The following TNK2 variants were observed in gnomAD, a reference collection of about 807,000 sequenced individuals.
TNK2 encodes the protein tyrosine kinase non receptor 2, also known as activated CDC42 kinase 1.
TNK2 carries 83 observed loss-of-function variants against 101.8 expected under a neutral mutation model. The ratio of observed to expected loss-of-function variants is 0.82; its 90% CI spans 0.68 to 0.98. The LOEUF (loss-of-function observed/expected upper bound fraction) is 0.98, where lower values mean the gene tolerates loss of function less well. Among genes scored for constraint, TNK2 ranks in the 50% least tolerant of loss-of-function variants. The pLI is 0.00. For synonymous variants in TNK2, 804 were observed against 633.0 expected, an observed-to-expected ratio of 1.27 and a Z score of -4.06; for missense variants, 1,665 against 1,483.2, an observed-to-expected ratio of 1.12 and a Z score of -2.01.
intron 9 of TNK2, among the ~76,000 whole-genome samples, chr3:195,877,086 A>T (rs1391054547): frequency 6.6e-6 from 1 of 151,748 alleles, no homozygotes; most frequent in East Asian, 1.9e-4. Flanking sequence ...CCCACCCTTA[A>T]TCTTCCTATT....
chr3:195,901,406 G>A (rs1761193952), intron 1 of TNK2, among the ~76,000 whole-genome samples: 1 of 152,168 alleles, frequency 6.6e-6, no homozygotes, highest in African/African-American at 2.4e-5. Context: ...ACAGTGTACA[G>A]GGGACAGAGA....
At chr3:195,891,663 C>G (rs34665404) in intron 1 of TNK2, among the ~76,000 whole-genome samples, 3,088 of 152,220 alleles carry the variant, frequency 0.02, 62 homozygotes, top group Non-Finnish European at 0.03. Context: ...GTGACCCCCC[C>G]CCTCCAGGGC....
chr3:195,869,850 G>A, intron 11 of TNK2: 1 of 561,884 alleles, frequency 1.8e-6, no homozygotes, highest in Non-Finnish European at 3.2e-6. Context: ...CAGGATCTGA[G>A]CTCGGCCGTG....
Position 195,867,907 on chromosome 3 carries a change from C to T in TNK2, c.2391G>A (p.Glu797=). 4 of 1,530,188 alleles carry T rather than the reference C, an allele frequency of 2.6e-6. No individual in the cohort carries two copies. The highest frequency in any genetic ancestry group is 3.5e-6 in the Non-Finnish European group (4 of 1,148,468). The allele number at this position is 1,530,188 out of a possible 1,614,324, so 94.8% of individuals were successfully genotyped here. A position where few individuals can be genotyped will look rare whatever the true frequency, so the allele number is the denominator to read the frequency against. Residue 797 remains glutamate, a synonymous_variant, in exon 13 of 16, where the codon GAG becomes GAA. Coordinates refer to ENST00000672887, the MANE Select transcript of TNK2 (RefSeq NM_001382273.1). ...PASPPRVPPR[E]PLSPQGSRTP... Reference sequence around the variant, plus strand: ...TCCTCGAGCCTTGAGGGGACAGGGGCTCCCGCGGAGGCACCCGGGGAGGGG... The same window carrying T: ...TCCTCGAGCCTTGAGGGGACAGGGGTTCCCGCGGAGGCACCCGGGGAGGGG...
intron 15 of TNK2, among the ~76,000 whole-genome samples, chr3:195,865,882 G>A (rs528088271): frequency 2.4e-4 from 36 of 152,026 alleles, no homozygotes; most frequent in African/African-American, 8.2e-4. Context: ...TCCCTTCCAC[G>A]GGGTGAGCAC....
In TNK2 at chr3:195,868,137, T is replaced by G; in HGVS notation, c.2161A>C (p.Ile721Leu). 6.2e-7 allele frequency: 1 copy of G among 1,611,552 alleles called. No individual in the cohort carries two copies. Among genetic ancestry groups the G allele is most frequent in the Non-Finnish European group, 8.5e-7 (1 of 1,179,470 alleles). The change falls in exon 13 of 16, where the codon ATC becomes CTC. Residue 721 changes from isoleucine (I) to leucine (L), a missense_variant. Physicochemically the swap from Ile to Leu is conservative, Grantham distance 5. Transcript: ENST00000672887. ...CACTCCTGCTGTAGCGCCTGGAAGA[T>G]CTCTGCGGTCTGTGCGGAGCTGGGC... ...KPPSSAQTAE[I>L]FQALQQECMR...
rs1281324820 is a variant in TNK2, at chr3:195,867,866, A to G, written c.2432T>C (p.Val811Ala). 3.3e-6 allele frequency: 5 copies of G among 1,530,722 alleles called. No individual in the cohort carries two copies. In the Admixed American group the frequency reaches 8.8e-5, roughly 27 times the overall value. 94.8% of individuals were successfully genotyped at this position (1,530,722 alleles called of 1,614,324 possible). A position where few individuals can be genotyped will look rare whatever the true frequency, so the allele number is the denominator to read the frequency against. ...TGGCAGCGGGGAGCTGCCAGGTGGT[A>G]CCAGGGGGCTGGGTGTCCTCGAGCC... is the stretch of plus-strand genomic sequence containing the variant. ...PQGSRTPSPL[V>A]PPGSSPLPPR... Residue 811 changes from valine (V) to alanine (A), a missense_variant, in exon 13 of 16, where the codon GTA (valine) becomes GCA (alanine). By Grantham distance (64) the Val-to-Ala change is moderately conservative. This residue lies in a region of TNK2 where 1,136 missense variants were observed against 894.9 expected (regional missense o/e 1.27). Coordinates refer to ENST00000672887, the MANE Select transcript of TNK2 (RefSeq NM_001382273.1).
At chr3:195,873,394 G>A (rs902445910) in intron 9 of TNK2, among the ~76,000 whole-genome samples, 6 of 152,232 alleles carry the variant, frequency 3.9e-5, no homozygotes, top group South Asian at 2.1e-4. Flanking sequence ...CTTGTCATAC[G>A]TGATGCCGTG....
At position 195,878,662 on chromosome 3, in the gene TNK2, C is replaced by T. The variant is rs1297628285; in HGVS notation, c.1015-70G>A. Reference sequence around the variant, plus strand: ...AGCCCTTCACTTCCCGCCTTCCCTCCAGCCCATCCACAGCTGCAGCGGCTG... The same window carrying T: ...AGCCCTTCACTTCCCGCCTTCCCTCTAGCCCATCCACAGCTGCAGCGGCTG... On this transcript the variant is annotated intron_variant, in intron 7 of 15. Coordinates refer to ENST00000672887, the MANE Select transcript of TNK2 (RefSeq NM_001382273.1). This position sits in a 1 kb window ranked among gnomAD's most constrained non-coding sequence, Gnocchi z 4.7. The T allele has an allele frequency of 2.4e-5, 37 of 1,562,202 alleles. No homozygotes were observed. The East Asian group carries it at 8.5e-4, about 36-fold the overall frequency.
chr3:195,900,245 C>CGA (rs1427356627), intron 1 of TNK2, among the ~76,000 whole-genome samples: 1 of 151,842 alleles, frequency 6.6e-6, no homozygotes, highest in African/African-American at 2.4e-5. Context: ...CCCAGCTCAC[C>CGA]GAGAGAGAGG....
intron 6 of TNK2, 128 bp downstream of exon 6, chr3:195,881,923 C>T (rs1389181948): frequency 5.1e-6 from 6 of 1,169,310 alleles, no homozygotes; most frequent in Non-Finnish European, 7.1e-6. Context: ...AAGGAGGGCA[C>T]CCCAGGCTTA....
intron 10 of TNK2, among the ~76,000 whole-genome samples, chr3:195,871,165 G>T (rs1392202580): frequency 2.0e-5 from 3 of 151,954 alleles, no homozygotes; most frequent in Non-Finnish European, 4.4e-5. Flanking sequence ...GCGGCCAGCA[G>T]AGAGGCTTGG....
Position 195,888,767 on chromosome 3 carries a change from C to T in TNK2, c.-18-161G>A, listed in dbSNP as rs527346691. 2.0e-5 allele frequency among the ~76,000 whole-genome samples: 3 copies of T among 152,160 alleles called. No homozygotes were observed. Among genetic ancestry groups the T allele is most frequent in the East Asian group, 1.9e-4 (1 of 5,158 alleles). ...AGCTACCGAGAACCGCCTGGACCCA[C>T]GTCCCCTATTCCTGCCAGCCACAGG... On this transcript the variant is annotated intron_variant, in intron 1 of 15. Transcript: ENST00000672887. The surrounding 1 kb of genome is among the most constrained non-coding windows in gnomAD (Gnocchi z 5.3).
Position 195,885,148 on chromosome 3 carries a change from G to A in TNK2, c.235-115C>T. On this transcript the variant is annotated intron_variant, in intron 3 of 15. Transcript: ENST00000672887. The surrounding 1 kb of genome is among the most constrained non-coding windows in gnomAD (Gnocchi z 4.7). ...CGGCTTCGGCTTCCAGATAGGTCCT[G>A]GTTTTGCCAAACTGTCAGTGGGGCA... 8.2e-7 allele frequency: 1 copy of A among 1,219,468 alleles called. No individual in the cohort carries two copies. Among genetic ancestry groups the A allele is most frequent in the Non-Finnish European group, 1.1e-6 (1 of 887,626 alleles). 75.5% of individuals were successfully genotyped at this position (1,219,468 alleles called of 1,614,324 possible). A position where few individuals can be genotyped will look rare whatever the true frequency, so the allele number is the denominator to read the frequency against.
intron 15 of TNK2, among the ~76,000 whole-genome samples, chr3:195,865,642 AATGACAGACAG>A (rs1740268849): frequency 1.4e-5 from 2 of 147,838 alleles, no homozygotes; most frequent in Admixed American, 6.8e-5. Context: ...CACCCGAGAC[AATGACAGACAG>A]GTGACACAGA....
In TNK2 at chr3:195,888,356, C is replaced by T; in HGVS notation, c.163+70G>A. ...AGAGTTCTCAGCTGCCACCCGTGCA[C>T]CGAGTGGTCCTGAGGACAGAGGACG... On this transcript the variant is annotated intron_variant, in intron 2 of 15. Coordinates refer to ENST00000672887, the MANE Select transcript of TNK2 (RefSeq NM_001382273.1). This position sits in a 1 kb window ranked among gnomAD's most constrained non-coding sequence, Gnocchi z 5.3. The T allele has an allele frequency of 4.6e-6, 7 of 1,528,342 alleles. No homozygotes were observed. In the East Asian group the frequency reaches 1.1e-4, roughly 25 times the overall value. The allele number at this position is 1,528,342 out of a possible 1,614,324, so 94.7% of individuals were successfully genotyped here.
rs577445580 is a variant in TNK2 at position 195,882,851 on chromosome 3, C to T, written c.609+306G>A. ...CCAGCCTGGGCGACAAAGTGAGACT[C>T]CATCTCAAAATAAATAGATAAATAA... On this transcript the variant is annotated intron_variant, in intron 5 of 15. Transcript: ENST00000672887. This position sits in a 1 kb window ranked among gnomAD's most constrained non-coding sequence, Gnocchi z 4.2. 1.3e-5 allele frequency among the ~76,000 whole-genome samples: 2 copies of T among 152,272 alleles called. No individual in the cohort carries two copies. The highest frequency in any genetic ancestry group is 4.1e-4 in the South Asian group (2 of 4,826).
Position 195,879,089 on chromosome 3 carries a change from G to A in TNK2, c.974C>T (p.Thr325Ile). The A allele has an allele frequency of 6.2e-7, 1 of 1,613,852 alleles. No individual in the cohort carries two copies. Among genetic ancestry groups the A allele is most frequent in the Non-Finnish European group, 8.5e-7 (1 of 1,179,994 alleles). Residue 325 changes from threonine to isoleucine, a missense_variant, in exon 7 of 16, where the codon ACC becomes ATC. Thr to Ile is a moderately conservative substitution (Grantham distance 89, BLOSUM62 -1). This residue lies in a region of TNK2 where 490 missense variants were observed against 522.5 expected (regional missense o/e 0.94). Coordinates refer to ENST00000672887, the MANE Select transcript of TNK2 (RefSeq NM_001382273.1). ...GCCGATCCAGGGCTCCTGGCCGTAG[G>A]TGAACATTTCCCACAGTGTCACCCC... The part of the protein sequence containing the change: ...MFGVTLWEMF[T>I]YGQEPWIGLN...
chr3:195,867,214 C>T lies in TNK2; in HGVS notation c.2988G>A (p.Leu996=). The part of the protein sequence containing the change: ...GVTTEECQAA[L]QCHGWSVQRA... The stretch of plus-strand genomic sequence containing the variant: ...TCTGCACGCTCCAGCCGTGGCACTG[C>T]AGGGCCGCCTGGCACTCCTCTGTGG... The change falls in exon 14 of 16, where the codon CTG becomes CTA. Residue 996 remains leucine (L), a synonymous_variant. Transcript: ENST00000672887. 6.2e-7 allele frequency: 1 copy of T among 1,613,066 alleles called. No homozygotes were observed. The highest frequency in any genetic ancestry group is 8.5e-7 in the Non-Finnish European group (1 of 1,179,922).
Sources: allele counts gnomAD v4.1 joint callset (sites outside exome capture counted in the v4.1 genomes callset), GRCh38; gene constraint gnomAD v4.1.1; regional missense constraint gnomAD v4.1.1; non-coding constraint Gnocchi (gnomAD v3.1); transcripts MANE v1.5; gene names NCBI Gene and HGNC (gene_info 2026-07-23, HGNC 2026-07-21).